Variants in UGT1A8 observed in about 807,000 individuals in gnomAD.
UGT1A8 encodes UDP-glucuronosyltransferase 1A8.
A neutral mutation model predicts 45.3 loss-of-function variants in UGT1A8; 39 were observed. The observed-to-expected ratio is 0.86, with a 90% CI of 0.67 to 1.12. The LOEUF (loss-of-function observed/expected upper bound fraction) is 1.12. UGT1A8 is among the 50% of genes most tolerant of loss of function. The pLI is 0.00. For synonymous variants in UGT1A8, 275 were observed against 249.2 expected, an observed-to-expected ratio of 1.10 and a Z score of -0.97; for missense variants, 719 against 664.9, an observed-to-expected ratio of 1.08 and a Z score of -0.90.
chr2:233,772,087 C>T (rs958943778), intron 4 of UGT1A8, among the ~76,000 whole-genome samples, 175 bp from the exon 5 acceptor site: 4 of 152,100 alleles, frequency 2.6e-5, no homozygotes, highest in African/African-American at 4.8e-5. Flanking sequence ...CACTCCAGCC[C>T]GGGCAACAGG....
intron 1 of UGT1A8, chr2:233,693,778 C>G: frequency 6.2e-7 from 1 of 1,614,186 alleles, no homozygotes; most frequent in Non-Finnish European, 8.5e-7. Flanking sequence ...TAAGATATGA[C>G]TTTGTGCTTG....
At chr2:233,700,614 G>T (rs554562712) in intron 1 of UGT1A8, among the ~76,000 whole-genome samples, 2 of 151,722 alleles carry the variant, frequency 1.3e-5, no homozygotes, top group Admixed American at 6.6e-5. Flanking sequence ...TTTTTTGGGG[G>T]GGTTCCAGTA....
At chr2:233,671,191 G>T (rs2074181351) in intron 1 of UGT1A8, among the ~76,000 whole-genome samples, 1 of 152,228 alleles carries the variant, frequency 6.6e-6, no homozygotes, top group African/African-American at 2.4e-5. Flanking sequence ...TGTGCAAGTT[G>T]AGCGGTCACT....
chr2:233,772,238 T>C (rs765306920), intron 4 of UGT1A8, 24 bp from the exon 5 acceptor site: 1 of 1,613,980 alleles, frequency 6.2e-7, no homozygotes, highest in African/African-American at 1.3e-5. Context: ...GTTCCAGGCA[T>C]AACGAAACTG....
intron 1 of UGT1A8, among the ~76,000 whole-genome samples, chr2:233,761,417 G>A (rs1445848635): frequency 6.6e-6 from 1 of 152,202 alleles, no homozygotes; most frequent in Non-Finnish European, 1.5e-5. Context: ...GAAACAACAA[G>A]CTGTTAAATG....
chr2:233,725,184 GCAGA>G (rs1559370234), intron 1 of UGT1A8, among the ~76,000 whole-genome samples: 5 of 89,376 alleles, frequency 5.6e-5, no homozygotes, highest in African/African-American at 1.7e-4. Flanking sequence ...GTGGGGAGAG[GCAGA>G]GGCAGAGGCA....
At chr2:233,710,729 C>T (rs1236562894) in intron 1 of UGT1A8, among the ~76,000 whole-genome samples, 3 of 152,128 alleles carry the variant, frequency 2.0e-5, no homozygotes, top group Admixed American at 6.5e-5. Flanking sequence ...TAAAAAACAA[C>T]GTCTTTCAAG....
At chr2:233,677,409 C>T (rs188929557) in intron 1 of UGT1A8, among the ~76,000 whole-genome samples, 38 of 152,106 alleles carry the variant, frequency 2.5e-4, no homozygotes, top group East Asian at 1.3e-3. Context: ...TTTTGATTCT[C>T]CAAAAACTTA....
intron 1 of UGT1A8, among the ~76,000 whole-genome samples, chr2:233,682,966 G>A (rs917597536): frequency 2.0e-5 from 3 of 152,118 alleles, no homozygotes; most frequent in Non-Finnish European, 4.4e-5. Context: ...GTATAAAGCA[G>A]CTCTTGTTGA....
At chr2:233,643,497 A>C (rs2073514743) in intron 1 of UGT1A8, among the ~76,000 whole-genome samples, 1 of 152,128 alleles carries the variant, frequency 6.6e-6, no homozygotes, top group Admixed American at 6.5e-5. Flanking sequence ...GTCCGAGTCA[A>C]GTCCTGGAAT....
chr2:233,621,275 G>T lies in UGT1A8; in HGVS notation c.855+2713G>T, dbSNP rs554303627. 3.9e-4 allele frequency among the ~76,000 whole-genome samples: 60 copies of T among 152,276 alleles called. 2 individuals carry two copies. Among genetic ancestry groups the T allele is most frequent in the Non-Finnish European group, 7.6e-4 (52 of 68,020 alleles). On this transcript the variant is annotated intron_variant, in intron 1 of 4. Transcript: ENST00000373450. ...GATGTGTAAATAATTCAGCAGAACA[G>T]CGAAATAGTTTTAATGAGAAAAAGA...
intron 1 of UGT1A8, among the ~76,000 whole-genome samples, chr2:233,668,282 A>G (rs1017357475): frequency 1.3e-5 from 2 of 151,810 alleles, no homozygotes; most frequent in African/African-American, 4.8e-5. Flanking sequence ...TTTAAATCCC[A>G]CCTATGAGTG....
chr2:233,627,671 TC>T (rs1341955805), intron 1 of UGT1A8, among the ~76,000 whole-genome samples: 1 of 150,280 alleles, frequency 6.7e-6, no homozygotes, highest in Admixed American at 6.7e-5. Context: ...CTTCCTTCCT[TC>T]CTTCCTTCTT....
In UGT1A8 at chr2:233,718,852, G is replaced by A. The variant is rs149314940; in HGVS notation, c.856-48182G>A. On this transcript the variant is annotated intron_variant, in intron 1 of 4. Coordinates refer to ENST00000373450, the MANE Select transcript of UGT1A8 (RefSeq NM_019076.5). ...AGAGGACTCCAGGTTCCCCTGCCGC[G>A]GCTGGCCACAGGACTGCTGCTCCTC... The A allele has an allele frequency of 5.0e-5, 80 of 1,613,718 alleles. No homozygotes were observed. Among genetic ancestry groups the A allele is most frequent in the Middle Eastern group, 1.7e-4 (1 of 5,766 alleles).
At chr2:233,715,843 A>G (rs1265547355) in intron 1 of UGT1A8, among the ~76,000 whole-genome samples, 1 of 152,196 alleles carries the variant, frequency 6.6e-6, no homozygotes, top group Non-Finnish European at 1.5e-5. Context: ...TAAAACTCCA[A>G]TATGAAAAGC....
chr2:233,639,607 TG>T (rs45497799), intron 1 of UGT1A8, among the ~76,000 whole-genome samples: 1,783 of 152,276 alleles, frequency 0.012, 30 homozygotes, highest in African/African-American at 0.04. Context: ...TGTATGTGTT[TG>T]TGTATGTGCA....
intron 1 of UGT1A8, among the ~76,000 whole-genome samples, chr2:233,635,409 TA>T (rs1421667601): frequency 6.6e-6 from 1 of 150,690 alleles, no homozygotes; most frequent in Non-Finnish European, 1.5e-5. Flanking sequence ...TGGCATTTTT[TA>T]AAAAATTATA....
chr2:233,644,636 G>T lies in UGT1A8; in HGVS notation c.855+26074G>T, dbSNP rs148479871. Among the ~76,000 whole-genome samples, 4 of 152,194 alleles carry T rather than the reference G, an allele frequency of 2.6e-5. No homozygotes were observed. In the East Asian group the frequency reaches 7.7e-4, roughly 29 times the overall value. On this transcript the variant is annotated intron_variant, in intron 1 of 4. Coordinates refer to ENST00000373450, the MANE Select transcript of UGT1A8 (RefSeq NM_019076.5). ...GTGGGTGTCAGCTGAGTTTGGTCTGGGTTTCCTTTCTGCTCTAACAGAATA... is the reference window on the plus strand; with the variant it reads ...GTGGGTGTCAGCTGAGTTTGGTCTGTGTTTCCTTTCTGCTCTAACAGAATA...
At chr2:233,730,735 G>A (rs1037091205) in intron 1 of UGT1A8, among the ~76,000 whole-genome samples, 2 of 152,096 alleles carry the variant, frequency 1.3e-5, no homozygotes, top group African/African-American at 2.4e-5. Flanking sequence ...ATGGCGGAAG[G>A]GGCTAGGGAG....
Sources: gnomAD v4.1 joint callset for allele counts (sites outside exome capture counted in the v4.1 genomes callset) on GRCh38, gnomAD v4.1.1 for gene constraint, MANE v1.5 for transcripts, NCBI Gene and HGNC (gene_info 2026-07-23, HGNC 2026-07-21) for gene names.